Variants in FAM162A observed in about 807,000 individuals in gnomAD.
The protein encoded by FAM162A is protein FAM162A.
Under a neutral mutation model 21.8 loss-of-function variants are expected in FAM162A, and 23 were observed. The ratio of observed to expected loss-of-function variants is 1.05; its 90% CI spans 0.76 to 1.49. The LOEUF (loss-of-function observed/expected upper bound fraction) is 1.49. Ranked by LOEUF, FAM162A falls within the 40% of genes most tolerant of loss-of-function variation. The pLI is 0.00. For synonymous variants in FAM162A, 53 were observed against 61.3 expected (o/e 0.86, Z 0.64); for missense variants, 165 against 186.4 (o/e 0.89, Z 0.67).
At chr3:122,384,684 G>C (rs2075565959) in intron 1 of FAM162A, among the ~76,000 whole-genome samples, 1 of 151,828 alleles carries the variant, frequency 6.6e-6, no homozygotes, top group Non-Finnish European at 1.5e-5. Flanking sequence ...TGCTCTCCTT[G>C]AGTCTTCCCT....
chr3:122,404,403 T>C lies in FAM162A; in HGVS notation c.263+40T>C, dbSNP rs373075874. On this transcript the variant is annotated intron_variant, in intron 3 of 4. Transcript: ENST00000477892. Reference sequence around the variant, plus strand: ...TAGTATTACAAGCAGCTTTCATTTCTCACTGATCTAAGGGAAAAGCAATGC... The same window carrying C: ...TAGTATTACAAGCAGCTTTCATTTCCCACTGATCTAAGGGAAAAGCAATGC... 7.3e-5 allele frequency: 82 copies of C among 1,124,116 alleles called. No homozygotes were observed. The Admixed American group carries it at 1.6e-3, about 22-fold the overall frequency. The allele number at this position is 1,124,116 out of a possible 1,614,324, so 69.6% of individuals were successfully genotyped here.
intron 1 of FAM162A, among the ~76,000 whole-genome samples, chr3:122,399,760 T>C (rs1169155893): frequency 3.3e-5 from 5 of 152,180 alleles, no homozygotes; most frequent in Admixed American, 6.5e-5. Flanking sequence ...ATCTAAGTGT[T>C]CCTTTTTCTC....
At chr3:122,385,563 A>G (rs1408524195) in intron 1 of FAM162A, among the ~76,000 whole-genome samples, 1 of 152,212 alleles carries the variant, frequency 6.6e-6, no homozygotes. Flanking sequence ...ACATCTTTGA[A>G]CTAATACTGA....
chr3:122,402,954 C>A, intron 2 of FAM162A, 72 bp downstream of exon 2: 1 of 1,493,944 alleles, frequency 6.7e-7, no homozygotes, highest in Non-Finnish European at 8.9e-7. Context: ...ATCAAAAGAA[C>A]CCAAAAGAGA....
intron 3 of FAM162A, among the ~76,000 whole-genome samples, chr3:122,405,111 C>T (rs1404325905): frequency 1.3e-5 from 2 of 152,210 alleles, no homozygotes; most frequent in Non-Finnish European, 2.9e-5. Context: ...GTGCCCTAGC[C>T]TCATGTTAAA....
At chr3:122,387,806 A>C (rs2075581609) in intron 1 of FAM162A, among the ~76,000 whole-genome samples, 1 of 152,142 alleles carries the variant, frequency 6.6e-6, no homozygotes, top group East Asian at 1.9e-4. Context: ...AAACATATAT[A>C]ATATACCATT....
chr3:122,387,581 G>T (rs1485533325), intron 1 of FAM162A, among the ~76,000 whole-genome samples: 1 of 152,182 alleles, frequency 6.6e-6, no homozygotes, highest in African/African-American at 2.4e-5. Context: ...ACCACATTCT[G>T]CTACCTTATT....
intron 1 of FAM162A, among the ~76,000 whole-genome samples, chr3:122,389,386 G>A (rs2075589058): frequency 7.3e-5 from 1 of 13,628 alleles, no homozygotes; most frequent in African/African-American, 2.2e-4. Flanking sequence ...TAGATGGATA[G>A]ATAGATAGAT....
At chr3:122,407,421 T>A (rs1460759628) in intron 4 of FAM162A, 32 bp downstream of exon 4, 2 of 1,525,794 alleles carry the variant, frequency 1.3e-6, no homozygotes, top group Admixed American at 3.3e-5. Flanking sequence ...ATCCAGTATG[T>A]ATGTTCTCCA....
chr3:122,384,784 G>A (rs542615415), intron 1 of FAM162A, among the ~76,000 whole-genome samples: 7 of 152,126 alleles, frequency 4.6e-5, no homozygotes, highest in Non-Finnish European at 1.0e-4. Context: ...TTAGGCCAAG[G>A]ATTTAGGTCT....
chr3:122,389,131 GA>G (rs2075587811), intron 1 of FAM162A, among the ~76,000 whole-genome samples: 1 of 152,136 alleles, frequency 6.6e-6, no homozygotes, highest in South Asian at 2.1e-4. Context: ...ATTGGAGAAG[GA>G]AACATTGTAG....
rs189222987 is a variant in FAM162A at position 122,409,168 on chromosome 3, G to A, written c.373-571G>A. 6.6e-5 allele frequency among the ~76,000 whole-genome samples: 10 copies of A among 152,246 alleles called. No individual in the cohort carries two copies. In the East Asian group the frequency reaches 1.9e-3, roughly 29 times the overall value. On this transcript the variant is annotated intron_variant, in intron 4 of 4. Transcript: ENST00000477892. The stretch of plus-strand genomic sequence containing the variant: ...TTCATAGAAATCTGACCGTTTACAT[G>A]GAGGGAAACAAGGGAAGAGGACGGT...
intron 1 of FAM162A, among the ~76,000 whole-genome samples, chr3:122,393,494 C>T (rs1369960483): frequency 1.3e-5 from 2 of 152,170 alleles, no homozygotes; most frequent in Non-Finnish European, 2.9e-5. Flanking sequence ...AAACCAGCAG[C>T]CTTGCAGGCA....
Position 122,410,629 on chromosome 3 carries a change from A to G in FAM162A, c.*798A>G, listed in dbSNP as rs2075700527. ...TATTTAGGTATGAATACAGGTTTCT[A>G]TTTTAAACATTGATTCTCACATGCT... is the stretch of plus-strand genomic sequence containing the variant. On this transcript the variant is annotated 3_prime_UTR_variant, in exon 5 of 5. Transcript: ENST00000477892. 1.3e-5 allele frequency: 2 copies of G among 152,226 alleles called. No homozygotes were observed. The highest frequency in any genetic ancestry group is 6.5e-5 in the Admixed American group (1 of 15,280). The allele number at this position is 152,226 out of a possible 1,614,324, so 9.4% of individuals were successfully genotyped here.
intron 1 of FAM162A, among the ~76,000 whole-genome samples, chr3:122,388,409 A>G (rs1252351829): frequency 6.6e-6 from 1 of 152,186 alleles, no homozygotes; most frequent in Non-Finnish European, 1.5e-5. Flanking sequence ...AGGTTGTGAG[A>G]GGTTGAAGAC....
intron 1 of FAM162A, among the ~76,000 whole-genome samples, chr3:122,399,886 C>T (rs1419183670): frequency 7.9e-5 from 12 of 152,090 alleles, no homozygotes; most frequent in African/African-American, 2.9e-4. Context: ...GTCGGATCAC[C>T]TGAGGTCAGG....
At chr3:122,398,576 T>C (rs2075639647) in intron 1 of FAM162A, among the ~76,000 whole-genome samples, 1 of 152,168 alleles carries the variant, frequency 6.6e-6, no homozygotes, top group African/African-American at 2.4e-5. Context: ...AATCTAAAAT[T>C]GAGGGACACT....
In FAM162A at chr3:122,409,906, G is replaced by T; in HGVS notation, c.*75G>T. ...AACGTGCCTGTATTAAAAAGGATGT[G>T]GTATGAGGATCCATTTCATAAAGTA... On this transcript the variant is annotated 3_prime_UTR_variant, in exon 5 of 5. Coordinates refer to ENST00000477892, the MANE Select transcript of FAM162A (RefSeq NM_014367.4). The T allele has an allele frequency of 8.0e-7, 1 of 1,249,226 alleles. No homozygotes were observed. Among genetic ancestry groups the T allele is most frequent in the South Asian group, 1.2e-5 (1 of 82,624 alleles). The allele number at this position is 1,249,226 out of a possible 1,614,324, so 77.4% of individuals were successfully genotyped here.
At chr3:122,400,759 A>G (rs1335820546) in intron 1 of FAM162A, among the ~76,000 whole-genome samples, 1 of 151,946 alleles carries the variant, frequency 6.6e-6, no homozygotes, top group Non-Finnish European at 1.5e-5. Context: ...CCTGGGAGAC[A>G]GAGGTTGCGG....
Sources: gnomAD v4.1 joint callset for allele counts (sites outside exome capture counted in the v4.1 genomes callset) on GRCh38, gnomAD v4.1.1 for gene constraint, MANE v1.5 for transcripts, NCBI Gene and HGNC (gene_info 2026-07-23, HGNC 2026-07-21) for gene names.